The following EPHA6 variants were observed in gnomAD, a reference collection of about 807,000 sequenced individuals.
EPHA6 encodes ephrin type-A receptor 6.
A neutral mutation model predicts 112.0 loss-of-function variants in EPHA6; 50 were observed. That is an observed-to-expected ratio of 0.45 (90% confidence interval 0.36 to 0.56). EPHA6 has a LOEUF of 0.56. EPHA6 is among the 20% of genes least tolerant of loss of function. The pLI is 0.00. For missense variants in EPHA6, 1,280 were observed against 1,417.4 expected (o/e 0.90, Z 1.56); for synonymous variants, 529 against 490.7 (o/e 1.08, Z -1.03).
At chr3:97,584,040 G>A (rs1235797234) in intron 11 of EPHA6, among the ~76,000 whole-genome samples, 4 of 152,176 alleles carry the variant, frequency 2.6e-5, no homozygotes, top group Non-Finnish European at 5.9e-5. Flanking sequence ...AAAGTGGAAA[G>A]TTCTCAATTT....
chr3:97,384,591 T>C (rs1338869062), intron 5 of EPHA6, among the ~76,000 whole-genome samples: 1 of 152,226 alleles, frequency 6.6e-6, no homozygotes, highest in African/African-American at 2.4e-5. Flanking sequence ...AACATAGCAG[T>C]AGTCAATTCA....
At chr3:97,565,282 T>C (rs1440937280) in intron 11 of EPHA6, among the ~76,000 whole-genome samples, 1 of 152,066 alleles carries the variant, frequency 6.6e-6, no homozygotes, top group Non-Finnish European at 1.5e-5. Flanking sequence ...AAAGCAATTA[T>C]GCATTTGTAG....
chr3:97,004,541 A>G (rs1318233924), intron 3 of EPHA6, among the ~76,000 whole-genome samples: 2 of 152,118 alleles, frequency 1.3e-5, no homozygotes, highest in Non-Finnish European at 2.9e-5. Flanking sequence ...TGGATATTAG[A>G]CATTTGTCAG....
chr3:97,637,311 C>A (rs568298445), intron 13 of EPHA6, among the ~76,000 whole-genome samples: 43 of 152,228 alleles, frequency 2.8e-4, no homozygotes, highest in African/African-American at 9.1e-4. Context: ...AACTCTATTT[C>A]TTTTCTGTTT....
intron 5 of EPHA6, among the ~76,000 whole-genome samples, chr3:97,398,265 G>C (rs978195237): frequency 4.6e-5 from 7 of 151,302 alleles, no homozygotes; most frequent in African/African-American, 1.7e-4. Flanking sequence ...CCATAAGATT[G>C]TATATATGAA....
chr3:96,978,709 G>A (rs1424736105), intron 2 of EPHA6, among the ~76,000 whole-genome samples: 1 of 151,906 alleles, frequency 6.6e-6, no homozygotes, highest in African/African-American at 2.4e-5. Flanking sequence ...AAAAAAAAAT[G>A]CATCATTTTG....
chr3:97,123,418 G>C (rs1353113690), intron 3 of EPHA6, among the ~76,000 whole-genome samples: 6 of 152,032 alleles, frequency 3.9e-5, no homozygotes, highest in Admixed American at 1.3e-4. Flanking sequence ...GTAATACTAG[G>C]ATTATTGGCA....
At chr3:97,318,460 ATTTTAATC>A (rs1559877571) in intron 5 of EPHA6, among the ~76,000 whole-genome samples, 2 of 152,014 alleles carry the variant, frequency 1.3e-5, no homozygotes, top group Non-Finnish European at 2.9e-5. Flanking sequence ...GAACAAGTAG[ATTTTAATC>A]ACTGTTACCA....
intron 5 of EPHA6, among the ~76,000 whole-genome samples, chr3:97,368,614 A>T (rs950406322): frequency 6.6e-6 from 1 of 152,174 alleles, no homozygotes; most frequent in South Asian, 2.1e-4. Context: ...ACCTGTTTCA[A>T]TGATGATATA....
chr3:97,168,176 A>C, intron 3 of EPHA6, among the ~76,000 whole-genome samples: 1 of 152,278 alleles, frequency 6.6e-6, no homozygotes, highest in East Asian at 1.9e-4. Flanking sequence ...TAAAGTTATT[A>C]TAAAATAATT....
intron 2 of EPHA6, among the ~76,000 whole-genome samples, chr3:96,884,394 T>C (rs1228908487): frequency 6.6e-6 from 1 of 152,190 alleles, no homozygotes; most frequent in Non-Finnish European, 1.5e-5. Flanking sequence ...GTGATGTTTT[T>C]CAGCATCATT....
intron 2 of EPHA6, among the ~76,000 whole-genome samples, chr3:96,886,404 C>A (rs1221945159): frequency 1.3e-5 from 2 of 152,174 alleles, no homozygotes; most frequent in East Asian, 1.9e-4. Flanking sequence ...TCCTCTTGGA[C>A]AAGGCCTTTT....
chr3:97,708,900 A>C (rs555111892), intron 14 of EPHA6, among the ~76,000 whole-genome samples: 35 of 152,320 alleles, frequency 2.3e-4, no homozygotes, highest in African/African-American at 7.9e-4. Context: ...AGGTGTGCAG[A>C]AGACAAGAAT....
At chr3:97,150,792 G>A (rs936507872) in intron 3 of EPHA6, among the ~76,000 whole-genome samples, 3 of 151,844 alleles carry the variant, frequency 2.0e-5, no homozygotes, top group African/African-American at 7.3e-5. Context: ...TTTCTTTTTA[G>A]CCTCTCCTCC....
intron 2 of EPHA6, among the ~76,000 whole-genome samples, chr3:96,984,389 T>G (rs921576839): frequency 6.6e-6 from 1 of 152,210 alleles, no homozygotes; most frequent in Non-Finnish European, 1.5e-5. Flanking sequence ...ACAGCAAATG[T>G]TGCTGCCTGA....
chr3:97,526,245 G>A (rs2092618079), intron 10 of EPHA6, among the ~76,000 whole-genome samples: 1 of 152,170 alleles, frequency 6.6e-6, no homozygotes, highest in South Asian at 2.1e-4. Context: ...AGCAGGCCAA[G>A]CTTCTCTCAG....
At chr3:96,931,830 C>T (rs374363011) in intron 2 of EPHA6, among the ~76,000 whole-genome samples, 7 of 152,264 alleles carry the variant, frequency 4.6e-5, no homozygotes, top group African/African-American at 9.6e-5. Flanking sequence ...GGATTCAGCC[C>T]GCTTCCTAGG....
chr3:97,001,993 T>A (rs2107906942), intron 3 of EPHA6, among the ~76,000 whole-genome samples: 1 of 152,178 alleles, frequency 6.6e-6, no homozygotes, highest in African/African-American at 2.4e-5. Context: ...ATTCTTTAAC[T>A]AGGATTATGG....
rs1414442712 is a variant in EPHA6, at chr3:97,750,443, G to GCCTCCCGGGTT, written c.*1744_*1754dup. ...GAGATCTTGGCTCACGGCAACCTCT[G>GCCTCCCGGGTT]CCTCCCGGGTTCAAGCGATTCTCCT... On this transcript the variant is annotated 3_prime_UTR_variant, in exon 18 of 18. Coordinates refer to ENST00000389672, the MANE Select transcript of EPHA6 (RefSeq NM_001080448.3). 6.6e-6 allele frequency among the ~76,000 whole-genome samples: 1 copy of GCCTCCCGGGTT among 151,876 alleles called. No individual in the cohort carries two copies. Among genetic ancestry groups the GCCTCCCGGGTT allele is most frequent in the Non-Finnish European group, 1.5e-5 (1 of 67,978 alleles).
Sources: allele counts gnomAD v4.1 joint callset (sites outside exome capture counted in the v4.1 genomes callset), GRCh38; gene constraint gnomAD v4.1.1; transcripts MANE v1.5; gene names NCBI Gene and HGNC (gene_info 2026-07-23, HGNC 2026-07-21).